CTNNA3: variants seen among roughly 807,000 people sequenced by gnomAD.
CTNNA3 encodes the protein catenin alpha-3.
In CTNNA3, 76 loss-of-function variants were observed where a neutral mutation model predicts 95.7. The observed-to-expected ratio is 0.79, with a 90% CI of 0.66 to 0.96. CTNNA3 has a LOEUF of 0.96. CTNNA3 is among the 40% of genes least tolerant of loss of function. The pLI is 0.00. For missense variants in CTNNA3, 1,191 were observed against 1,089.8 expected (o/e 1.09, Z -1.31); for synonymous variants, 431 against 374.4 (o/e 1.15, Z -1.74).
chr10:65,946,860 ATT>A (rs2077523717), intron 17 of CTNNA3, among the ~76,000 whole-genome samples: 1 of 152,088 alleles, frequency 6.6e-6, no homozygotes, highest in Non-Finnish European at 1.5e-5. Flanking sequence ...ACTTCTTTGA[ATT>A]TCTAGGTAGT....
intron 5 of CTNNA3, among the ~76,000 whole-genome samples, chr10:67,367,062 T>G (rs1843244577): frequency 6.6e-6 from 1 of 152,032 alleles, no homozygotes; most frequent in South Asian, 2.1e-4. Flanking sequence ...AGTCCTGCAA[T>G]TGCAACAAAA....
At chr10:65,971,102 C>A (rs914246570) in intron 16 of CTNNA3, among the ~76,000 whole-genome samples, 2 of 151,064 alleles carry the variant, frequency 1.3e-5, no homozygotes, top group African/African-American at 2.4e-5. Flanking sequence ...CCAAAAAATT[C>A]TTTGAAATAA....
chr10:67,158,942 T>G (rs537104995), intron 7 of CTNNA3, among the ~76,000 whole-genome samples: 80 of 152,126 alleles, frequency 5.3e-4, no homozygotes, highest in Middle Eastern at 6.9e-3. Context: ...CTCATATTGT[T>G]TTATATTGTT....
intron 10 of CTNNA3, among the ~76,000 whole-genome samples, chr10:66,546,269 T>C (rs1346519962): frequency 6.6e-6 from 1 of 152,174 alleles, no homozygotes; most frequent in Admixed American, 6.6e-5. Context: ...ATGAAAGATA[T>C]GAGGGAGAAC....
rs565227051 is a variant in CTNNA3 at position 67,488,672 on chromosome 10, C to CTTTTTTT, written c.579+33163_579+33169dup. ...AGGTGTGAGCCAAAGTGCCCGGCCT[C>CTTTTTTT]TTTTTTTTTTTTTTTTGAGACAAAG... On this transcript the variant is annotated intron_variant, in intron 5 of 17. Transcript: ENST00000433211. Among the ~76,000 whole-genome samples, 174 of 130,756 alleles carry CTTTTTTT rather than the reference C, an allele frequency of 1.3e-3. 1 individual carries two copies. Among genetic ancestry groups the CTTTTTTT allele is most frequent in the African/African-American group, 3.6e-3 (118 of 33,008 alleles). 85.8% of individuals were successfully genotyped at this position (130,756 alleles called of 152,430 possible). A position where few individuals can be genotyped will look rare whatever the true frequency, so the allele number is the denominator to read the frequency against.
At chr10:67,561,737 G>A (rs1302643860) in intron 3 of CTNNA3, among the ~76,000 whole-genome samples, 1 of 152,052 alleles carries the variant, frequency 6.6e-6, no homozygotes, top group African/African-American at 2.4e-5. Flanking sequence ...TTGATAGACT[G>A]CTAGCAAGAC....
chr10:66,445,105 T>A (rs1338965465), intron 11 of CTNNA3, among the ~76,000 whole-genome samples: 1 of 151,948 alleles, frequency 6.6e-6, no homozygotes, highest in Non-Finnish European at 1.5e-5. Context: ...AGGAATCAAT[T>A]CAACAAGAAG....
chr10:66,906,250 T>G (rs1185637785), intron 7 of CTNNA3, among the ~76,000 whole-genome samples: 1 of 152,132 alleles, frequency 6.6e-6, no homozygotes, highest in Admixed American at 6.6e-5. Context: ...CCTGATAGAA[T>G]GCAGTAGAAG....
At chr10:66,650,009 G>A (rs535590881) in intron 9 of CTNNA3, among the ~76,000 whole-genome samples, 4 of 152,204 alleles carry the variant, frequency 2.6e-5, no homozygotes, top group Admixed American at 6.5e-5. Flanking sequence ...CAATAGCAGG[G>A]GACTCAAATA....
chr10:66,980,417 AC>A (rs1404879643), intron 7 of CTNNA3, among the ~76,000 whole-genome samples: 1 of 151,408 alleles, frequency 6.6e-6, no homozygotes, highest in African/African-American at 2.4e-5. Context: ...AGAAAAGAGA[AC>A]CCTGGCACTG....
intron 12 of CTNNA3, among the ~76,000 whole-genome samples, chr10:66,314,918 T>A (rs1166924399): frequency 6.6e-6 from 1 of 152,068 alleles, no homozygotes; most frequent in African/African-American, 2.4e-5. Flanking sequence ...AGTGCAAAAA[T>A]AAGTCCCCTT....
intron 5 of CTNNA3, among the ~76,000 whole-genome samples, chr10:67,466,105 T>C (rs1847581997): frequency 2.6e-5 from 4 of 152,204 alleles, no homozygotes; most frequent in African/African-American, 9.6e-5. Flanking sequence ...CAAATGTTCT[T>C]TGGATCTAAA....
At chr10:66,054,117 C>T (rs535347237) in intron 15 of CTNNA3, among the ~76,000 whole-genome samples, 2 of 152,082 alleles carry the variant, frequency 1.3e-5, no homozygotes, top group Non-Finnish European at 1.5e-5. Flanking sequence ...ATTTCTTTAT[C>T]CATTTATCCT....
intron 13 of CTNNA3, among the ~76,000 whole-genome samples, chr10:66,161,370 G>C (rs924178540): frequency 3.9e-5 from 6 of 152,112 alleles, no homozygotes; most frequent in Non-Finnish European, 5.9e-5. Flanking sequence ...GCTCCTTTTA[G>C]CCATTCTTAT....
intron 7 of CTNNA3, among the ~76,000 whole-genome samples, chr10:67,030,450 T>G (rs1335486632): frequency 6.6e-6 from 1 of 152,184 alleles, no homozygotes; most frequent in African/African-American, 2.4e-5. Flanking sequence ...AATCTTGAAC[T>G]ATATTTATAC....
intron 5 of CTNNA3, among the ~76,000 whole-genome samples, chr10:67,514,081 C>T (rs374050248): frequency 7.9e-5 from 12 of 152,000 alleles, no homozygotes; most frequent in African/African-American, 1.4e-4. Context: ...GAGGCTGAGA[C>T]GGGTGAATCG....
chr10:66,302,085 A>G (rs10997045), intron 12 of CTNNA3, among the ~76,000 whole-genome samples: 2,709 of 152,192 alleles, frequency 0.018, 47 homozygotes, highest in South Asian at 0.089. Context: ...GCACCAAAAA[A>G]GAGATACTTA....
intron 13 of CTNNA3, among the ~76,000 whole-genome samples, chr10:66,189,019 C>A (rs1232136991): frequency 4.6e-5 from 7 of 152,058 alleles, no homozygotes; most frequent in African/African-American, 1.2e-4. Context: ...AGCCATTTTA[C>A]ATCTTTGGAG....
intron 13 of CTNNA3, among the ~76,000 whole-genome samples, chr10:66,124,493 T>C (rs935399915): frequency 6.6e-6 from 1 of 152,232 alleles, no homozygotes; most frequent in Non-Finnish European, 1.5e-5. Context: ...CCTCTTCCTG[T>C]TACCCAGTTC....
Sources: allele counts gnomAD v4.1 joint callset (sites outside exome capture counted in the v4.1 genomes callset), GRCh38; gene constraint gnomAD v4.1.1; transcripts MANE v1.5; gene names NCBI Gene and HGNC (gene_info 2026-07-23, HGNC 2026-07-21).